SLC39A6: variants seen among roughly 807,000 people sequenced by gnomAD.
SLC39A6 encodes solute carrier family 39 member 6.
SLC39A6 carries 51 observed loss-of-function variants against 63.5 expected under a neutral mutation model. That is an observed-to-expected ratio of 0.80 (90% CI 0.64 to 1.01). SLC39A6 has a LOEUF of 1.01. Ranked by LOEUF, SLC39A6 falls within the 50% of genes least tolerant of loss-of-function variation. The probability of loss-of-function intolerance (pLI) is 0.00; values close to 1 mark genes in which losing one functional copy is unlikely to be tolerated. For missense variants in SLC39A6, 805 were observed against 927.8 expected, an observed-to-expected ratio of 0.87 and a Z score of 1.72; for synonymous variants, 318 against 324.7, an observed-to-expected ratio of 0.98 and a Z score of 0.22.
intron 5 of SLC39A6, among the ~76,000 whole-genome samples, chr18:36,119,943 T>C (rs2089378201): frequency 6.6e-6 from 1 of 152,054 alleles, no homozygotes; most frequent in Non-Finnish European, 1.5e-5. Context: ...TAGGTAAAAT[T>C]TGGAAATGAA....
At position 36,109,475 on chromosome 18, in the gene SLC39A6, C is replaced by G; in HGVS notation, c.*118G>C. The G allele has an allele frequency of 1.4e-6, 1 of 717,584 alleles. No individual in the cohort carries two copies. Among genetic ancestry groups the G allele is most frequent in the Non-Finnish European group, 2.2e-6 (1 of 446,434 alleles). 44.5% of individuals were successfully genotyped at this position (717,584 alleles called of 1,614,324 possible). On this transcript the variant is annotated 3_prime_UTR_variant, in exon 10 of 10. Transcript: ENST00000269187. ...TTGTAACAGACAGCAATATTCAATACAAAAATCACAAAACCCACTAACTTT... is the reference window on the plus strand; with the variant it reads ...TTGTAACAGACAGCAATATTCAATAGAAAAATCACAAAACCCACTAACTTT...
intron 5 of SLC39A6, among the ~76,000 whole-genome samples, chr18:36,120,930 A>G (rs1378745627): frequency 6.6e-6 from 1 of 152,214 alleles, no homozygotes; most frequent in African/African-American, 2.4e-5. Flanking sequence ...TAGATTCTAC[A>G]TTCAGAATAG....
intron 5 of SLC39A6, among the ~76,000 whole-genome samples, chr18:36,117,592 A>G (rs191548855): frequency 6.6e-6 from 1 of 152,194 alleles, no homozygotes; most frequent in African/African-American, 2.4e-5. Context: ...CTTATACAGA[A>G]CATTTAAAAT....
intron 5 of SLC39A6, among the ~76,000 whole-genome samples, chr18:36,120,798 T>C (rs1037558279): frequency 2.0e-5 from 3 of 152,178 alleles, no homozygotes; most frequent in African/African-American, 7.2e-5. Context: ...TGGTAGGGGA[T>C]ACTTAATTCC....
rs2089327848 is a variant in SLC39A6, at chr18:36,114,467, T to C, written c.1473A>G (p.Glu491=). 2 of 1,609,276 alleles carry C rather than the reference T, an allele frequency of 1.2e-6. No individual in the cohort carries two copies. Among genetic ancestry groups the C allele is most frequent in the Non-Finnish European group, 1.7e-6 (2 of 1,178,574 alleles). Residue 491 remains glutamate, a synonymous_variant, in exon 7 of 10, where the codon GAA becomes GAG. Coordinates refer to ENST00000269187, the MANE Select transcript of SLC39A6 (RefSeq NM_012319.4). The part of the protein sequence containing the change: ...EEKVDTDDRT[E]GYLRADSQEP... ...CTTGTGAGTCTGCTCGTAAATAGCC[T>C]TCAGTTCCTAGGAATAAACATAAAG...
chr18:36,113,615 C>A (rs754882140), intron 7 of SLC39A6, among the ~76,000 whole-genome samples: 104 of 152,180 alleles, frequency 6.8e-4, no homozygotes, highest in Non-Finnish European at 8.2e-4. Flanking sequence ...ATTCTGTTAT[C>A]TCCCAATTGT....
At chr18:36,110,938 C>A (rs778319744) in intron 9 of SLC39A6, 121 bp downstream of exon 9, 2 of 1,457,340 alleles carry the variant, frequency 1.4e-6, no homozygotes, top group Non-Finnish European at 9.1e-7. Flanking sequence ...CCAGCCTGGA[C>A]GACATAGCAA....
At chr18:36,121,971 T>C in intron 5 of SLC39A6, 81 bp downstream of exon 5, 4 of 1,014,892 alleles carry the variant, frequency 3.9e-6, no homozygotes, top group African/African-American at 3.2e-5. Context: ...AACCTGGGCA[T>C]GCTATTCTAA....
intron 3 of SLC39A6, among the ~76,000 whole-genome samples, chr18:36,124,110 C>T (rs2089415936): frequency 6.6e-6 from 1 of 152,010 alleles, no homozygotes; most frequent in Non-Finnish European, 1.5e-5. Flanking sequence ...GCAGTGATTC[C>T]TTCCTCATTA....
chr18:36,113,869 G>C (rs1370939691), intron 7 of SLC39A6, among the ~76,000 whole-genome samples: 1 of 152,096 alleles, frequency 6.6e-6, no homozygotes, highest in Non-Finnish European at 1.5e-5. Flanking sequence ...GCTTTTGACA[G>C]TTACAATTTA....
chr18:36,120,247 T>A (rs1399671052), intron 5 of SLC39A6, among the ~76,000 whole-genome samples: 1 of 74,936 alleles, frequency 1.3e-5, no homozygotes, highest in African/African-American at 3.8e-5. Flanking sequence ...ATGAGTAGCT[T>A]TTTTTTTTCT....
Position 36,124,683 on chromosome 18 carries a change from C to T in SLC39A6, c.807G>A (p.Lys269=), listed in dbSNP as rs377047184. ...ENPQECFNAS[K]LLTSHGMGIQ... is the part of the protein sequence containing the mutation. ...TGCCCATGCCATGAGATGTCAGTAG[C>T]TTTGATGCATTGAAACACTGAAAGA... The change falls in exon 3 of 10, where the codon AAG becomes AAA. Residue 269 remains lysine (K), a synonymous_variant. Transcript: ENST00000269187. 6.4e-7 allele frequency: 1 copy of T among 1,551,094 alleles called. No homozygotes were observed.
chr18:36,126,917 G>C lies in SLC39A6; in HGVS notation c.91C>G (p.Gln31Glu), dbSNP rs750396976. ...LHELKAAAFP[Q>E]TTEKISPNWE... ...TTCGGACTAATTTTCTCAGTGGTCT[G>C]GGGGAAAGCAGCTGCTTTTAGTTCA... Residue 31 changes from glutamine to glutamate, a missense_variant, in exon 2 of 10, where the codon CAG (glutamine) becomes GAG (glutamate). Physicochemically the swap from Gln to Glu is conservative, Grantham distance 29 (BLOSUM62 2). Transcript: ENST00000269187. 3 of 1,614,036 alleles carry C rather than the reference G, an allele frequency of 1.9e-6. No homozygotes were observed. The highest frequency in any genetic ancestry group is 1.3e-5 in the African/African-American group (1 of 74,910).
At chr18:36,112,406 T>C (rs2089307883) in intron 8 of SLC39A6, 95 bp downstream of exon 8, 1 of 859,608 alleles carries the variant, frequency 1.2e-6, no homozygotes, top group Admixed American at 2.0e-5. Flanking sequence ...AGGCATGAAA[T>C]TGATGAAGAA....
Position 36,122,275 on chromosome 18 carries a change from A to G in SLC39A6, c.1141-5T>C. 6.3e-7 allele frequency: 1 copy of G among 1,592,044 alleles called. No individual in the cohort carries two copies. The highest frequency in any genetic ancestry group is 8.6e-7 in the Non-Finnish European group (1 of 1,167,050). ...ATGGTGGTGACTTGCATGAGACTGA[A>G]GGCAAAATAATTTGTTATTTATAAA... On this transcript the variant is annotated splice_region_variant and splice_polypyrimidine_tract_variant and intron_variant, in intron 4 of 9. Coordinates refer to ENST00000269187, the MANE Select transcript of SLC39A6 (RefSeq NM_012319.4).
In SLC39A6 at chr18:36,126,884, A is replaced by T. The variant is rs2089443933; in HGVS notation, c.124T>A (p.Ser42Thr). 1 of 1,614,206 alleles carries T rather than the reference A, an allele frequency of 6.2e-7. No individual in the cohort carries two copies. The highest frequency in any genetic ancestry group is 1.3e-5 in the African/African-American group (1 of 75,044). ...ATTGCCAAGTCAACATTAATGCCAG[A>T]TTCCCAATTCGGACTAATTTTCTCA... The part of the protein sequence containing the change: ...TTEKISPNWE[S>T]GINVDLAIST... The change falls in exon 2 of 10, where the codon TCT becomes ACT. Residue 42 changes from serine to threonine, a missense_variant. Coordinates refer to ENST00000269187, the MANE Select transcript of SLC39A6 (RefSeq NM_012319.4).
intron 7 of SLC39A6, among the ~76,000 whole-genome samples, chr18:36,113,853 A>G (rs932728670): frequency 6.6e-6 from 1 of 152,258 alleles, no homozygotes; most frequent in Non-Finnish European, 1.5e-5. Context: ...TTGCAATTTA[A>G]GAACAGCTTT....
chr18:36,117,592 A>C lies in SLC39A6; in HGVS notation c.1360-813T>G, dbSNP rs191548855. 2.0e-5 allele frequency among the ~76,000 whole-genome samples: 3 copies of C among 152,312 alleles called. No individual in the cohort carries two copies. The East Asian group carries it at 5.8e-4, about 29-fold the overall frequency. ...TCTGTGTATCATCTACTTATACAGA[A>C]CATTTAAAATAAAAGTTATCACATA... is the stretch of plus-strand genomic sequence containing the variant. On this transcript the variant is annotated intron_variant, in intron 5 of 9. Coordinates refer to ENST00000269187, the MANE Select transcript of SLC39A6 (RefSeq NM_012319.4).
intron 5 of SLC39A6, among the ~76,000 whole-genome samples, chr18:36,121,745 C>T (rs2089396173): frequency 6.6e-6 from 1 of 152,154 alleles, no homozygotes; most frequent in Non-Finnish European, 1.5e-5. Flanking sequence ...TCCATGTATA[C>T]ACGATGCTTC....
Sources: allele counts gnomAD v4.1 joint callset (sites outside exome capture counted in the v4.1 genomes callset), GRCh38; gene constraint gnomAD v4.1.1; transcripts MANE v1.5; gene names NCBI Gene and HGNC (gene_info 2026-07-23, HGNC 2026-07-21).